AGMO: variants seen among roughly 807,000 people sequenced by gnomAD.
AGMO encodes glyceryl-ether monooxygenase.
In AGMO, 75 loss-of-function variants were observed where a neutral mutation model predicts 60.2. That is an observed-to-expected ratio of 1.25 (90% CI 1.03 to 1.51). The LOEUF (loss-of-function observed/expected upper bound fraction) is 1.51. Among genes scored for constraint, AGMO ranks in the 40% most tolerant of loss-of-function variants. The probability of loss-of-function intolerance (pLI) is 0.00; values close to 1 mark genes in which losing one functional copy is unlikely to be tolerated. For missense variants in AGMO, 763 were observed against 525.5 expected, an observed-to-expected ratio of 1.45 and a Z score of -4.42; for synonymous variants, 261 against 177.1, an observed-to-expected ratio of 1.47 and a Z score of -3.76.
At chr7:15,328,345 C>G (rs1781407253) in intron 12 of AGMO, among the ~76,000 whole-genome samples, 1 of 152,122 alleles carries the variant, frequency 6.6e-6, no homozygotes, top group Admixed American at 6.6e-5. Context: ...GATGGGCCCA[C>G]CTCGGCCTCT....
chr7:15,367,844 T>C (rs1783046270), intron 10 of AGMO, among the ~76,000 whole-genome samples: 1 of 152,080 alleles, frequency 6.6e-6, no homozygotes, highest in Non-Finnish European at 1.5e-5. Flanking sequence ...CTTTCCTTTG[T>C]TTCCCCTTGA....
At chr7:15,557,559 G>C (rs547789725) in intron 2 of AGMO, among the ~76,000 whole-genome samples, 16 of 151,486 alleles carry the variant, frequency 1.1e-4, no homozygotes, top group Admixed American at 2.0e-4. Flanking sequence ...GGATCCACAG[G>C]CTCGCTTTTC....
intron 12 of AGMO, among the ~76,000 whole-genome samples, chr7:15,202,661 A>C (rs1426497285): frequency 6.6e-6 from 1 of 152,024 alleles, no homozygotes; most frequent in South Asian, 2.1e-4. Context: ...AATACTAAAA[A>C]TAAAATCAGC....
the AGMO span, among the ~76,000 whole-genome samples, chr7:15,181,859 T>C: frequency 6.6e-6 from 1 of 152,040 alleles, no homozygotes; most frequent in Non-Finnish European, 1.5e-5. Context: ...TTTTTAAGGG[T>C]GGTGCAGATA....
At chr7:15,499,945 A>T (rs1053536488) in intron 3 of AGMO, among the ~76,000 whole-genome samples, 12 of 135,282 alleles carry the variant, frequency 8.9e-5, no homozygotes, top group Admixed American at 5.4e-4. Flanking sequence ...ATATATATAT[A>T]ATATATATAT....
chr7:15,454,069 C>T (rs1029708857), intron 3 of AGMO, among the ~76,000 whole-genome samples: 5 of 149,418 alleles, frequency 3.3e-5, no homozygotes, highest in Non-Finnish European at 7.4e-5. Context: ...TTTGAGAGAA[C>T]TTAATGACAC....
chr7:15,491,767 G>C (rs1320186023), intron 3 of AGMO, among the ~76,000 whole-genome samples: 1 of 152,166 alleles, frequency 6.6e-6, no homozygotes, highest in Admixed American at 6.5e-5. Flanking sequence ...AATTAAGACA[G>C]AGATGAAAGA....
intron 3 of AGMO, among the ~76,000 whole-genome samples, chr7:15,479,127 T>C (rs1295891954): frequency 6.6e-6 from 1 of 152,178 alleles, no homozygotes; most frequent in Non-Finnish European, 1.5e-5. Context: ...TATATTGTTT[T>C]ACATAGAAGT....
intron 12 of AGMO, among the ~76,000 whole-genome samples, chr7:15,363,886 T>C (rs1421307303): frequency 2.0e-5 from 3 of 152,102 alleles, no homozygotes; most frequent in East Asian, 3.9e-4. Flanking sequence ...AATTAGAATG[T>C]GCCCCTCATC....
the AGMO span, among the ~76,000 whole-genome samples, chr7:15,123,121 G>GT: frequency 5.3e-5 from 8 of 151,848 alleles, no homozygotes; most frequent in Non-Finnish European, 1.2e-4. Flanking sequence ...TCTTTCTGTT[G>GT]TTTTCTTTTC....
At chr7:15,437,831 C>T (rs959074797) in intron 3 of AGMO, among the ~76,000 whole-genome samples, 11 of 152,170 alleles carry the variant, frequency 7.2e-5, no homozygotes, top group East Asian at 1.9e-4. Context: ...TGAGCCACTG[C>T]GCCCGGATGT....
intron 12 of AGMO, among the ~76,000 whole-genome samples, chr7:15,258,601 G>C (rs1783173627): frequency 6.6e-6 from 1 of 151,980 alleles, no homozygotes; most frequent in Non-Finnish European, 1.5e-5. Flanking sequence ...CCACTTCCTG[G>C]CTGAAGGCCA....
rs1781638204 is a variant in AGMO, at chr7:15,212,980, T to A, written c.1264-11621A>T. 1.3e-5 allele frequency among the ~76,000 whole-genome samples: 2 copies of A among 152,002 alleles called. 1 individual carries two copies. Among genetic ancestry groups the A allele is most frequent in the Admixed American group, 1.3e-4 (2 of 15,242 alleles). ...ATATTGTGTTATTATTGTCAGCATT[T>A]ACATTAGATCAGCATTTACAGCAAT... On this transcript the variant is annotated intron_variant, in intron 12 of 12. Coordinates refer to ENST00000342526, the MANE Select transcript of AGMO (RefSeq NM_001004320.2).
intron 12 of AGMO, among the ~76,000 whole-genome samples, chr7:15,255,534 C>CG (rs367988949): frequency 4.3e-5 from 5 of 115,830 alleles, no homozygotes; most frequent in Admixed American, 1.8e-4. Flanking sequence ...TGTAAGAATA[C>CG]AAAAAAAAAA....
chr7:15,353,159 AG>A (rs1388754162), intron 12 of AGMO, among the ~76,000 whole-genome samples: 1 of 152,176 alleles, frequency 6.6e-6, no homozygotes, highest in Non-Finnish European at 1.5e-5. Context: ...ATAACTTCTT[AG>A]GAGTAAATGA....
intron 5 of AGMO, among the ~76,000 whole-genome samples, chr7:15,405,507 G>A (rs748759967): frequency 2.6e-5 from 4 of 151,844 alleles, no homozygotes; most frequent in African/African-American, 9.7e-5. Context: ...TCTGTATCTT[G>A]ATAAGCATTC....
chr7:15,355,326 C>T (rs935525817), intron 12 of AGMO, among the ~76,000 whole-genome samples: 48 of 151,724 alleles, frequency 3.2e-4, no homozygotes, highest in South Asian at 6.2e-4. Context: ...CACGGTGAAA[C>T]GCTGTCTCTA....
chr7:15,279,673 C>A (rs371196103), intron 12 of AGMO, among the ~76,000 whole-genome samples: 11 of 152,226 alleles, frequency 7.2e-5, no homozygotes, highest in African/African-American at 2.4e-4. Context: ...AAACCACAGA[C>A]CCTTTGAAAG....
intron 5 of AGMO, among the ~76,000 whole-genome samples, chr7:15,414,374 A>G (rs901927403): frequency 2.6e-5 from 4 of 152,134 alleles, no homozygotes; most frequent in Non-Finnish European, 5.9e-5. Context: ...GCTTAGATTG[A>G]ATTATATTAC....
Sources: gnomAD v4.1 joint callset for allele counts (sites outside exome capture counted in the v4.1 genomes callset) on GRCh38, gnomAD v4.1.1 for gene constraint, MANE v1.5 for transcripts, NCBI Gene and HGNC (gene_info 2026-07-23, HGNC 2026-07-21) for gene names.